Variants in UHRF1 observed in about 807,000 individuals in gnomAD.
UHRF1 encodes the protein E3 ubiquitin-protein ligase UHRF1.
Under a neutral mutation model 96.5 loss-of-function variants are expected in UHRF1, and 9 were observed. The observed-to-expected ratio is 0.09, with a 90% CI of 0.06 to 0.16. The LOEUF (loss-of-function observed/expected upper bound fraction) is 0.16, where lower values mean the gene tolerates loss of function less well. Ranked by LOEUF, UHRF1 falls within the 10% of genes least tolerant of loss-of-function variation. The pLI, the probability that UHRF1 is intolerant of heterozygous loss-of-function variation, is 1.00. For missense variants in UHRF1, 626 were observed against 1,131.1 expected (o/e 0.55, Z 6.40); for synonymous variants, 455 against 469.9 (o/e 0.97, Z 0.41).
intron 4 of UHRF1, among the ~76,000 whole-genome samples, chr19:4,931,903 G>C (rs2033064495): frequency 6.6e-6 from 1 of 152,200 alleles, no homozygotes; most frequent in Admixed American, 6.5e-5. Context: ...TGGGACTACA[G>C]GCGTGCACCA....
At chr19:4,956,289 C>T (rs975718325) in intron 15 of UHRF1, among the ~76,000 whole-genome samples, 4 of 152,190 alleles carry the variant, frequency 2.6e-5, no homozygotes, top group Admixed American at 6.5e-5. Context: ...TGGTCTTGAA[C>T]ACCTGGCTCA....
rs750349966 is a variant in UHRF1, at chr19:4,954,601, G to A, written c.1958-49G>A. ...CGTGGGAGCCGGTGGCTGTCTCTCC[G>A]GCAGCTCGGGCCACGCGCCCCTCCC... On this transcript the variant is annotated intron_variant, in intron 14 of 16. Coordinates refer to ENST00000650932, the MANE Select transcript of UHRF1 (RefSeq NM_001048201.3). The surrounding 1 kb of genome is among the most constrained non-coding windows in gnomAD (Gnocchi z 5.9). 23 of 1,597,366 alleles carry A rather than the reference G, an allele frequency of 1.4e-5. No individual in the cohort carries two copies. The highest frequency in any genetic ancestry group is 2.2e-5 in the South Asian group (2 of 89,096).
Position 4,931,973 on chromosome 19 carries a change from C to G in UHRF1, c.570-768C>G, listed in dbSNP as rs546796492. Among the ~76,000 whole-genome samples the G allele has an allele frequency of 7.1e-4, 108 of 152,222 alleles. 1 individual carries two copies. Among genetic ancestry groups the G allele is most frequent in the African/African-American group, 2.5e-3 (102 of 41,544 alleles). ...TTGAGACAGAGTTTCACTCTTGTTG[C>G]CCAGGCTGGCGTCAATGGCGCGATC... On this transcript the variant is annotated intron_variant, in intron 4 of 16. Coordinates refer to ENST00000650932, the MANE Select transcript of UHRF1 (RefSeq NM_001048201.3).
At chr19:4,920,699 G>A (rs2032673725) in intron 2 of UHRF1, among the ~76,000 whole-genome samples, 1 of 152,156 alleles carries the variant, frequency 6.6e-6, no homozygotes, top group Admixed American at 6.6e-5. Context: ...GACTACAGAT[G>A]TGAGCCACTG....
In UHRF1 at chr19:4,961,566, G is replaced by C. The variant is rs2033986984; in HGVS notation, c.*763G>C. ...GACGGACGCCAGCACACGAAGTCAC[G>C]TGCAAGTGCCTTTGATTCGTTCCTT... On this transcript the variant is annotated 3_prime_UTR_variant, in exon 17 of 17. Coordinates refer to ENST00000650932, the MANE Select transcript of UHRF1 (RefSeq NM_001048201.3). The C allele has an allele frequency of 6.6e-6, 1 of 152,406 alleles. No individual in the cohort carries two copies. Among genetic ancestry groups the C allele is most frequent in the African/African-American group, 2.4e-5 (1 of 41,430 alleles). 9.4% of individuals were successfully genotyped at this position (152,406 alleles called of 1,614,324 possible).
At chr19:4,904,011 C>G (rs530471983) in intron 1 of UHRF1, among the ~76,000 whole-genome samples, 1 of 151,824 alleles carries the variant, frequency 6.6e-6, no homozygotes, top group Non-Finnish European at 1.5e-5. Context: ...GAATCTCACT[C>G]TGTTGCCCAG....
intron 4 of UHRF1, among the ~76,000 whole-genome samples, chr19:4,932,230 G>T (rs1456443068): frequency 1.3e-5 from 2 of 151,584 alleles, no homozygotes; most frequent in South Asian, 2.1e-4. Context: ...GCCATGCCTG[G>T]CTAATTTTTG....
At chr19:4,946,051 T>C in intron 10 of UHRF1, 86 bp downstream of exon 10, 1 of 1,073,132 alleles carries the variant, frequency 9.3e-7, no homozygotes, top group Non-Finnish European at 1.3e-6. Flanking sequence ...TTTCCCATCC[T>C]AGCCGTTTTT....
intron 7 of UHRF1, among the ~76,000 whole-genome samples, chr19:4,943,118 T>C (rs1000174559): frequency 5.3e-5 from 8 of 151,254 alleles, no homozygotes; most frequent in African/African-American, 1.9e-4. Flanking sequence ...CACGCGCCTG[T>C]AATCCCAGCT....
intron 5 of UHRF1, among the ~76,000 whole-genome samples, chr19:4,935,379 A>G (rs2033186108): frequency 6.6e-6 from 1 of 152,310 alleles, no homozygotes; most frequent in South Asian, 2.1e-4. Context: ...CTCCCCAGCC[A>G]TGCGGAACTG....
chr19:4,954,808 G>A lies in UHRF1; in HGVS notation c.2116G>A (p.Ala706Thr). ...EVLASLKDRP[A>T]SGSPFQLFLS... ...CCTGGCGTCACTCAAGGACCGGCCG[G>A]CGAGCGGCAGCCCGGTAGGCTCGCA... The change falls in exon 15 of 17, where the codon GCG becomes ACG. Residue 706 changes from alanine to threonine, a missense_variant. Physicochemically the swap from Ala to Thr is moderately conservative, Grantham distance 58 (BLOSUM62 0). Coordinates refer to ENST00000650932, the MANE Select transcript of UHRF1 (RefSeq NM_001048201.3). This position sits in a 1 kb window ranked among gnomAD's most constrained non-coding sequence, Gnocchi z 5.9. 1 of 1,613,698 alleles carries A rather than the reference G, an allele frequency of 6.2e-7. No homozygotes were observed.
chr19:4,940,915 G>A (rs1172085621), intron 5 of UHRF1, among the ~76,000 whole-genome samples: 1 of 148,110 alleles, frequency 6.8e-6, no homozygotes, highest in Non-Finnish European at 1.5e-5. Context: ...TCAGATGATC[G>A]GCCTGCCTCG....
chr19:4,905,427 G>A (rs1213673239), upstream of UHRF1, among the ~76,000 whole-genome samples: 1 of 150,972 alleles, frequency 6.6e-6, no homozygotes, highest in Non-Finnish European at 1.5e-5. Context: ...CCACAAATTT[G>A]TAGTTTCTTA....
chr19:4,953,938 C>T (rs1455643398), intron 13 of UHRF1, among the ~76,000 whole-genome samples: 2 of 151,636 alleles, frequency 1.3e-5, no homozygotes, highest in African/African-American at 2.4e-5. Flanking sequence ...CCCAGCTACT[C>T]GGGAGGCTGA....
chr19:4,940,003 G>T (rs188661606), intron 5 of UHRF1, among the ~76,000 whole-genome samples: 1 of 144,228 alleles, frequency 6.9e-6, no homozygotes, highest in Non-Finnish European at 1.5e-5. Flanking sequence ...CAGCCTGGGC[G>T]ACAGAGCGAG....
intron 2 of UHRF1, 115 bp from the exon 3 acceptor site, chr19:4,929,107 A>C: frequency 7.3e-7 from 1 of 1,373,136 alleles, no homozygotes; most frequent in South Asian, 1.4e-5. Flanking sequence ...ACTCTGATGC[A>C]GATTGCCCCC....
intron 5 of UHRF1, among the ~76,000 whole-genome samples, chr19:4,933,807 T>C (rs1239553181): frequency 6.6e-6 from 1 of 152,150 alleles, no homozygotes; most frequent in Non-Finnish European, 1.5e-5. Context: ...CACACCCATT[T>C]TTATCTTATT....
At chr19:4,911,185 GA>G in intron 2 of UHRF1, 147 bp downstream of exon 2, 1 of 756,032 alleles carries the variant, frequency 1.3e-6, no homozygotes. Flanking sequence ...GAAGTCCACA[GA>G]AACCTCAAAT....
In UHRF1 at chr19:4,954,524, G is replaced by A. The variant is rs2033801539; in HGVS notation, c.1957+36G>A. The A allele has an allele frequency of 6.3e-7, 1 of 1,591,340 alleles. No individual in the cohort carries two copies. Among genetic ancestry groups the A allele is most frequent in the East Asian group, 2.2e-5 (1 of 44,516 alleles). ...CGTGGGTGTGGGGTGAGCGTCTTGT[G>A]TGTGGGGGAGCAGGTGGGCATCTCG... On this transcript the variant is annotated intron_variant, in intron 14 of 16. Coordinates refer to ENST00000650932, the MANE Select transcript of UHRF1 (RefSeq NM_001048201.3). This position sits in a 1 kb window ranked among gnomAD's most constrained non-coding sequence, Gnocchi z 5.9.
Sources: gnomAD v4.1 joint callset for allele counts (sites outside exome capture counted in the v4.1 genomes callset) on GRCh38, gnomAD v4.1.1 for gene constraint, Gnocchi (gnomAD v3.1) non-coding constraint, MANE v1.5 for transcripts, NCBI Gene and HGNC (gene_info 2026-07-23, HGNC 2026-07-21) for gene names.